The following PPP1R9A variants were observed in gnomAD, a reference collection of about 807,000 sequenced individuals.
PPP1R9A encodes the protein neurabin-1.
PPP1R9A carries 59 observed loss-of-function variants against 141.9 expected under a neutral mutation model. The ratio of observed to expected loss-of-function variants is 0.42; its 90% CI spans 0.34 to 0.52. The LOEUF (loss-of-function observed/expected upper bound fraction) is 0.52. PPP1R9A is among the 20% of genes least tolerant of loss of function. The pLI is 0.10. For missense variants in PPP1R9A, 1,444 were observed against 1,611.9 expected (o/e 0.90, Z 1.78); for synonymous variants, 500 against 569.7 (o/e 0.88, Z 1.74).
At chr7:95,040,621 G>T (rs1364425817) in intron 2 of PPP1R9A, among the ~76,000 whole-genome samples, 1 of 151,974 alleles carries the variant, frequency 6.6e-6, no homozygotes, top group Non-Finnish European at 1.5e-5. Context: ...CCTTACTCAG[G>T]TTATTTTGCT....
At chr7:95,063,373 G>A (rs1812509366) in intron 2 of PPP1R9A, among the ~76,000 whole-genome samples, 1 of 151,950 alleles carries the variant, frequency 6.6e-6, no homozygotes, top group African/African-American at 2.4e-5. Context: ...AGATCAGCCT[G>A]GGCATCATAG....
At chr7:95,258,655 A>G (rs993180416) in intron 12 of PPP1R9A, among the ~76,000 whole-genome samples, 1 of 152,226 alleles carries the variant, frequency 6.6e-6, no homozygotes, top group Non-Finnish European at 1.5e-5. Flanking sequence ...AAGAACTCAC[A>G]TAAATCATAA....
intron 12 of PPP1R9A, among the ~76,000 whole-genome samples, chr7:95,253,956 C>A (rs1021075083): frequency 2.0e-5 from 3 of 151,926 alleles, no homozygotes; most frequent in African/African-American, 7.3e-5. Context: ...AAATCTGTAT[C>A]TTTTCAAACA....
intron 2 of PPP1R9A, among the ~76,000 whole-genome samples, chr7:94,951,999 G>A (rs1462931817): frequency 1.3e-5 from 2 of 151,508 alleles, no homozygotes; most frequent in Non-Finnish European, 2.9e-5. Context: ...GGATACATGT[G>A]CAGAATGTGC....
intron 2 of PPP1R9A, among the ~76,000 whole-genome samples, chr7:94,913,587 A>G (rs1040632266): frequency 6.6e-6 from 1 of 152,174 alleles, no homozygotes; most frequent in Non-Finnish European, 1.5e-5. Flanking sequence ...GCCCTTTGTA[A>G]TGAATAACAC....
chr7:95,040,867 T>C (rs958281901), intron 2 of PPP1R9A, among the ~76,000 whole-genome samples: 1 of 152,136 alleles, frequency 6.6e-6, no homozygotes, highest in East Asian at 1.9e-4. Context: ...TGAAAGAGAT[T>C]AATCCTCTCT....
intron 2 of PPP1R9A, among the ~76,000 whole-genome samples, chr7:95,102,055 T>A (rs567409080): frequency 7.9e-5 from 12 of 152,298 alleles, no homozygotes; most frequent in South Asian, 4.1e-4. Flanking sequence ...TTCAGCTGCC[T>A]TGCTGACCTA....
rs142805017 is a variant in PPP1R9A, at chr7:95,007,764, G to A, written c.1395+96256G>A. Among the ~76,000 whole-genome samples, 39 of 152,160 alleles carry A rather than the reference G, an allele frequency of 2.6e-4. No individual in the cohort carries two copies. In the East Asian group the frequency reaches 7.2e-3, roughly 28 times the overall value. On this transcript the variant is annotated intron_variant, in intron 2 of 19. Transcript: ENST00000433360. ...TATCCTTAGTATTCCATATGTGGCT[G>A]TTACAAAGTTATAGAAACGAAGCTT...
At chr7:95,147,997 G>C (rs1827952748) in intron 4 of PPP1R9A, among the ~76,000 whole-genome samples, 1 of 151,930 alleles carries the variant, frequency 6.6e-6, no homozygotes, top group South Asian at 2.1e-4. Flanking sequence ...AAAATATTTT[G>C]ACCTCATTGA....
At chr7:95,230,130 G>A (rs1795717706) in intron 8 of PPP1R9A, among the ~76,000 whole-genome samples, 2 of 152,156 alleles carry the variant, frequency 1.3e-5, no homozygotes, top group Non-Finnish European at 2.9e-5. Flanking sequence ...ACCAAATCAA[G>A]GCAGCACACT....
chr7:95,218,804 TG>T (rs1793932939), intron 7 of PPP1R9A, among the ~76,000 whole-genome samples: 1 of 152,250 alleles, frequency 6.6e-6, no homozygotes, highest in African/African-American at 2.4e-5. Context: ...TGCCTTTTTT[TG>T]TTTTCCTTTT....
chr7:95,055,317 T>A (rs538506854), intron 2 of PPP1R9A, among the ~76,000 whole-genome samples: 1 of 152,290 alleles, frequency 6.6e-6, no homozygotes, highest in East Asian at 1.9e-4. Context: ...AGTTTTCTGT[T>A]GAGAACTCTA....
chr7:95,111,183 A>G, intron 2 of PPP1R9A, 76 bp from the exon 3 acceptor site: 1 of 1,390,876 alleles, frequency 7.2e-7, no homozygotes, highest in South Asian at 1.4e-5. Context: ...ATGAATGTTT[A>G]AACTTACATA....
intron 5 of PPP1R9A, 27 bp downstream of exon 5, chr7:95,161,998 C>T: frequency 2.2e-6 from 3 of 1,367,828 alleles, no homozygotes; most frequent in African/African-American, 2.9e-5. Flanking sequence ...TAATATACAC[C>T]ATGTTGTTAC....
chr7:95,211,156 A>C (rs1792042770), intron 7 of PPP1R9A, among the ~76,000 whole-genome samples: 1 of 148,850 alleles, frequency 6.7e-6, no homozygotes, highest in South Asian at 2.2e-4. Context: ...AAAAAAAAAA[A>C]CATTAAAAAT....
intron 2 of PPP1R9A, among the ~76,000 whole-genome samples, chr7:94,982,469 C>T (rs1800246901): frequency 6.6e-6 from 1 of 152,226 alleles, no homozygotes; most frequent in South Asian, 2.1e-4. Flanking sequence ...CATTTCTCCA[C>T]ATCCTCTCCA....
intron 8 of PPP1R9A, among the ~76,000 whole-genome samples, chr7:95,234,742 T>C (rs1435317852): frequency 2.0e-5 from 3 of 151,952 alleles, no homozygotes; most frequent in Admixed American, 2.0e-4. Flanking sequence ...AAGAACAAAT[T>C]TGGAGGCATC....
intron 2 of PPP1R9A, among the ~76,000 whole-genome samples, chr7:94,954,541 T>A: frequency 6.6e-6 from 1 of 151,944 alleles, no homozygotes; most frequent in East Asian, 1.9e-4. Context: ...TGTGTCCTTA[T>A]TTTTTAAGAA....
In PPP1R9A at chr7:94,996,127, A is replaced by G. The variant is rs190209052; in HGVS notation, c.1395+84619A>G. 1.5e-4 allele frequency among the ~76,000 whole-genome samples: 23 copies of G among 152,210 alleles called. No homozygotes were observed. In the East Asian group the frequency reaches 3.7e-3, roughly 24 times the overall value. On this transcript the variant is annotated intron_variant, in intron 2 of 19. Transcript: ENST00000433360. ...TAGAAGGACTGGATATATCTTGGGG[A>G]AAAAAATGTACCTTGACCTCTAACT...
Sources: gnomAD v4.1 joint callset for allele counts (sites outside exome capture counted in the v4.1 genomes callset) on GRCh38, gnomAD v4.1.1 for gene constraint, MANE v1.5 for transcripts, NCBI Gene and HGNC (gene_info 2026-07-23, HGNC 2026-07-21) for gene names.